SEPTIN6: variants seen among roughly 807,000 people sequenced by gnomAD.
The protein encoded by SEPTIN6 is septin-6.
Under a neutral mutation model 33.6 loss-of-function variants are expected in SEPTIN6, and 8 were observed. The ratio of observed to expected loss-of-function variants is 0.24; its 90% CI spans 0.14 to 0.43. SEPTIN6 has a LOEUF of 0.43. Among genes scored for constraint, SEPTIN6 ranks in the 20% least tolerant of loss-of-function variants. The pLI, the probability that SEPTIN6 is intolerant of heterozygous loss-of-function variation, is 1.00. For missense variants in SEPTIN6, 250 were observed against 340.8 expected, an observed-to-expected ratio of 0.73 and a Z score of 2.10; for synonymous variants, 131 against 140.0, an observed-to-expected ratio of 0.94 and a Z score of 0.45.
chrX:119,692,386 C>T (rs1358173504), intron 1 of SEPTIN6, among the ~76,000 whole-genome samples: 3 of 109,667 alleles, frequency 2.7e-5, no homozygotes, highest in Non-Finnish European at 5.7e-5. Context: ...GACAGAGAGG[C>T]GTTCGGACAC....
chrX:119,688,710 GAA>G (rs150477050), intron 1 of SEPTIN6, among the ~76,000 whole-genome samples: 11 of 78,738 alleles, frequency 1.4e-4, no homozygotes, highest in African/African-American at 4.1e-4. Flanking sequence ...CCATCTCGGG[GAA>G]AAAAAAAAAA....
intron 3 of SEPTIN6, among the ~76,000 whole-genome samples, chrX:119,656,640 C>T (rs1047571130): frequency 8.9e-6 from 1 of 112,615 alleles, no homozygotes; most frequent in African/African-American, 3.2e-5. Flanking sequence ...GTAATCCCAG[C>T]ACTTTGGGAG....
chrX:119,634,007 C>T (rs758487302), intron 7 of SEPTIN6, among the ~76,000 whole-genome samples: 1 of 112,207 alleles, frequency 8.9e-6, no homozygotes, highest in African/African-American at 3.2e-5. Context: ...CAACAGCCAT[C>T]ATACCTGCCA....
intron 2 of SEPTIN6, among the ~76,000 whole-genome samples, chrX:119,669,985 G>T (rs181608969): frequency 9.0e-6 from 1 of 111,654 alleles, no homozygotes; most frequent in East Asian, 2.8e-4. Flanking sequence ...GACTGCTACT[G>T]TAGCATTTAG....
Position 119,675,444 on chromosome X carries a change from C to T in SEPTIN6, c.145+110G>A, listed in dbSNP as rs2054825515. ...TAAAAGAAGAGGGGAGAGACACTCT[C>T]GCAACTAAATCAGAATGACACACTA... On this transcript the variant is annotated intron_variant, in intron 2 of 10. Coordinates refer to ENST00000394610, the MANE Select transcript of SEPTIN6 (RefSeq NM_145799.4). 6 of 385,315 alleles carry T rather than the reference C, an allele frequency of 1.6e-5. No homozygotes were observed. In the Admixed American group the frequency reaches 1.8e-4, roughly 11 times the overall value. 31.8% of individuals were successfully genotyped at this position (385,315 alleles called of 1,213,427 possible).
chrX:119,686,600 GAGAA>G, intron 1 of SEPTIN6: 1 of 969,893 alleles, frequency 1.0e-6, no homozygotes. Context: ...GCAGGCGGCA[GAGAA>G]ACCCACGGTT....
intron 7 of SEPTIN6, among the ~76,000 whole-genome samples, chrX:119,636,058 T>C (rs2054056264): frequency 9.0e-6 from 1 of 110,507 alleles, no homozygotes; most frequent in Non-Finnish European, 1.9e-5. Context: ...GCCAGGGAGC[T>C]CCCACCAGAA....
rs929639858 is a variant in SEPTIN6 at position 119,617,306 on chromosome X, A to C, written c.*2787T>G. ...AAGCCTTTTCATTGAAGAAGGAAAA[A>C]ATCTGTCTACAGTGAGAAAAGCTAC... is the stretch of plus-strand genomic sequence containing the variant. On this transcript the variant is annotated 3_prime_UTR_variant, in exon 11 of 11. Coordinates refer to ENST00000394610, the MANE Select transcript of SEPTIN6 (RefSeq NM_145799.4). 15 of 804,413 alleles carry C rather than the reference A, an allele frequency of 1.9e-5. No homozygotes were observed. Among genetic ancestry groups the C allele is most frequent in the Non-Finnish European group, 2.2e-5 (15 of 670,838 alleles). 66.3% of individuals were successfully genotyped at this position (804,413 alleles called of 1,213,427 possible). A position where few individuals can be genotyped will look rare whatever the true frequency, so the allele number is the denominator to read the frequency against.
At chrX:119,690,348 TACACACAC>T (rs1196119691) in intron 1 of SEPTIN6, among the ~76,000 whole-genome samples, 1,331 of 74,965 alleles carry the variant, frequency 0.018, 6 homozygotes, top group Non-Finnish European at 0.025. Flanking sequence ...TACATACACA[TACACACAC>T]ACACACACAC....
In SEPTIN6 at chrX:119,693,139, C is replaced by A. The variant is rs1235274290; in HGVS notation, c.-34G>T. ...CGTCCGCCAGGGCTGCCACGGGTGC[C>A]GCCGCAACGGGAGCTACTGCACAGG... On this transcript the variant is annotated 5_prime_UTR_variant, in exon 1 of 11. Coordinates refer to ENST00000394610, the MANE Select transcript of SEPTIN6 (RefSeq NM_145799.4). 3 of 1,162,325 alleles carry A rather than the reference C, an allele frequency of 2.6e-6. No individual in the cohort carries two copies. Among genetic ancestry groups the A allele is most frequent in the Non-Finnish European group, 2.3e-6 (2 of 868,822 alleles).
chrX:119,620,139 G>T, intron 10 of SEPTIN6, 88 bp from the exon 11 acceptor site: 1 of 733,799 alleles, frequency 1.4e-6, no homozygotes, highest in Non-Finnish European at 2.1e-6. Flanking sequence ...TAAGTAATGA[G>T]GACTAATGGC....
intron 3 of SEPTIN6, among the ~76,000 whole-genome samples, chrX:119,660,357 T>C (rs2054516655): frequency 8.9e-6 from 1 of 112,575 alleles, no homozygotes; most frequent in African/African-American, 3.2e-5. Flanking sequence ...TTATTACAGA[T>C]CCCTGGAGCT....
intron 9 of SEPTIN6, among the ~76,000 whole-genome samples, 187 bp from the exon 10 acceptor site, chrX:119,625,566 A>G (rs1469338548): frequency 2.9e-5 from 3 of 104,046 alleles, no homozygotes; most frequent in African/African-American, 1.1e-4. Context: ...TTTTTGAGTC[A>G]GGGTCTCTCT....
chrX:119,676,823 G>A lies in SEPTIN6; in HGVS notation c.31-1155C>T, dbSNP rs1464764809. Reference sequence around the variant, plus strand: ...CTAGAGCATTTTGAGGACCTACAAAGGCAGTGTAGTGTAGAGGTTAAGAGT... The same window carrying A: ...CTAGAGCATTTTGAGGACCTACAAAAGCAGTGTAGTGTAGAGGTTAAGAGT... On this transcript the variant is annotated intron_variant, in intron 1 of 10. Transcript: ENST00000394610. Among the ~76,000 whole-genome samples the A allele has an allele frequency of 2.7e-5, 3 of 111,944 alleles. No individual in the cohort carries two copies. In the Admixed American group the frequency reaches 2.8e-4, roughly 11 times the overall value.
intron 5 of SEPTIN6, among the ~76,000 whole-genome samples, chrX:119,645,132 T>C (rs1345765020): frequency 5.5e-5 from 6 of 108,493 alleles, no homozygotes; most frequent in Non-Finnish European, 5.7e-5. Context: ...GGTCTTGAAC[T>C]CCTGACCTTG....
At chrX:119,649,340 C>T (rs768277053) in intron 5 of SEPTIN6, among the ~76,000 whole-genome samples, 40 of 106,423 alleles carry the variant, frequency 3.8e-4, no homozygotes, top group Non-Finnish European at 6.8e-4. Flanking sequence ...GTGATCTACC[C>T]GCCTCGGCCT....
chrX:119,691,028 T>C (rs2055164185), intron 1 of SEPTIN6, among the ~76,000 whole-genome samples: 1 of 111,352 alleles, frequency 9.0e-6, no homozygotes. Flanking sequence ...CTCGAGTGCT[T>C]AGGCTGCTCT....
intron 3 of SEPTIN6, among the ~76,000 whole-genome samples, chrX:119,662,360 GATT>G (rs2054562997): frequency 9.0e-6 from 1 of 111,639 alleles, no homozygotes; most frequent in Non-Finnish European, 1.9e-5. Flanking sequence ...AAACAGAGCT[GATT>G]ATTTTGAACC....
Position 119,618,331 on chromosome X carries a change from A to C in SEPTIN6, c.*1762T>G. ...CACTCACCAATCAATAGAGCACCAA[A>C]CCTACACAGCAAACCTATATTCTTG... On this transcript the variant is annotated 3_prime_UTR_variant, in exon 11 of 11. Transcript: ENST00000394610. 1.2e-6 allele frequency: 1 copy of C among 815,528 alleles called. No individual in the cohort carries two copies. The highest frequency in any genetic ancestry group is 1.5e-6 in the Non-Finnish European group (1 of 677,556). 67.2% of individuals were successfully genotyped at this position (815,528 alleles called of 1,213,427 possible).
Sources: gnomAD v4.1 joint callset for allele counts (sites outside exome capture counted in the v4.1 genomes callset) on GRCh38, gnomAD v4.1.1 for gene constraint, MANE v1.5 for transcripts, NCBI Gene and HGNC (gene_info 2026-07-23, HGNC 2026-07-21) for gene names.